The following BCR variants were observed in gnomAD, a reference collection of about 807,000 sequenced individuals.
BCR encodes the protein breakpoint cluster region protein.
BCR carries 58 observed loss-of-function variants against 138.6 expected under a neutral mutation model. The ratio of observed to expected loss-of-function variants is 0.42; its 90% CI spans 0.34 to 0.52. The LOEUF (loss-of-function observed/expected upper bound fraction) is 0.52. Ranked by LOEUF, BCR falls within the 20% of genes least tolerant of loss-of-function variation. The pLI is 0.06. For missense variants in BCR, 1,599 were observed against 1,727.2 expected, an observed-to-expected ratio of 0.93 and a Z score of 1.32; for synonymous variants, 786 against 730.1, an observed-to-expected ratio of 1.08 and a Z score of -1.23.
At chr22:23,230,955 G>A (rs1309111200) in intron 1 of BCR, among the ~76,000 whole-genome samples, 10 of 152,136 alleles carry the variant, frequency 6.6e-5, no homozygotes, top group Non-Finnish European at 1.5e-4. Flanking sequence ...ACAGTATCCC[G>A]AACCATCTAA....
Position 23,295,292 on chromosome 22 carries a change from C to T in BCR, c.3012+137C>T, listed in dbSNP as rs1052692153. ...GCAGCTGTGGCTCTGAAACATCCAT[C>T]GTGGGAGACCTGAGCCGGTGCCTGC... On this transcript the variant is annotated intron_variant, in intron 16 of 22. Coordinates refer to ENST00000305877, the MANE Select transcript of BCR (RefSeq NM_004327.4). 2.1e-5 allele frequency: 24 copies of T among 1,131,332 alleles called. No homozygotes were observed. In the East Asian group the frequency reaches 5.2e-4, roughly 24 times the overall value. The allele number at this position is 1,131,332 out of a possible 1,614,324, so 70.1% of individuals were successfully genotyped here. A position where few individuals can be genotyped will look rare whatever the true frequency, so the allele number is the denominator to read the frequency against.
chr22:23,182,297 C>T (rs1239908390), intron 1 of BCR, 58 bp downstream of exon 1: 19 of 1,456,522 alleles, frequency 1.3e-5, no homozygotes, highest in African/African-American at 2.8e-5. Flanking sequence ...AAACCATAGA[C>T]GAGTAGGGGA....
chr22:23,224,749 G>T (rs2072868298), intron 1 of BCR, among the ~76,000 whole-genome samples: 1 of 152,104 alleles, frequency 6.6e-6, no homozygotes, highest in Non-Finnish European at 1.5e-5. Context: ...AGGCATGGTG[G>T]CACACGCCTG....
At chr22:23,184,400 T>G (rs1018484086) in intron 1 of BCR, among the ~76,000 whole-genome samples, 9 of 152,190 alleles carry the variant, frequency 5.9e-5, no homozygotes, top group African/African-American at 2.2e-4. Flanking sequence ...CTCTTAGACG[T>G]TTTTAGTAAC....
At chr22:23,280,720 G>C (rs539327937) in intron 8 of BCR, among the ~76,000 whole-genome samples, 15 of 152,162 alleles carry the variant, frequency 9.9e-5, no homozygotes, top group South Asian at 6.2e-4. Context: ...TGCTTTCTGC[G>C]GGCTCCTGTG....
At chr22:23,299,807 T>A (rs1014283047) in intron 16 of BCR, among the ~76,000 whole-genome samples, 4 of 152,072 alleles carry the variant, frequency 2.6e-5, no homozygotes, top group Non-Finnish European at 5.9e-5. Context: ...ATGAAGGTGC[T>A]GAAGTTCCCA....
intron 1 of BCR, among the ~76,000 whole-genome samples, chr22:23,199,900 C>T (rs1262633164): frequency 1.3e-5 from 2 of 151,850 alleles, no homozygotes; most frequent in Non-Finnish European, 2.9e-5. Context: ...CTGGCTAACA[C>T]AGTGAAACCC....
intron 1 of BCR, chr22:23,199,231 C>T (rs1274731156): frequency 1.9e-6 from 1 of 513,082 alleles, no homozygotes; most frequent in Non-Finnish European, 3.9e-6. Flanking sequence ...GTGTGAGTGG[C>T]TCCAGAAGAC....
In BCR at chr22:23,273,663, C is replaced by A. The variant is rs1230118461; in HGVS notation, c.2004C>A (p.His668Gln). 1 of 1,613,940 alleles carries A rather than the reference C, an allele frequency of 6.2e-7. No homozygotes were observed. The highest frequency in any genetic ancestry group is 8.5e-7 in the Non-Finnish European group (1 of 1,180,048). Residue 668 changes from histidine (H) to glutamine (Q), a missense_variant, in exon 8 of 23, where the codon CAC (histidine) becomes CAA (glutamine). This residue lies in a region of BCR where 590 missense variants were observed against 762.4 expected (regional missense o/e 0.77). Transcript: ENST00000305877. ...HDLLKHTPASHPDHPLLQDAL... is the reference protein window; with the variant it reads ...HDLLKHTPASQPDHPLLQDAL... The stretch of plus-strand genomic sequence containing the variant: ...TGCTGAAGCACACTCCTGCCAGCCA[C>A]CCTGACCACCCCTTGCTGCAGGACG...
intron 7 of BCR, 93 bp from the exon 8 acceptor site, chr22:23,273,541 G>A (rs1036264573): frequency 4.0e-5 from 62 of 1,549,704 alleles, no homozygotes; most frequent in Middle Eastern, 1.7e-4. Context: ...CCGGCGCTCT[G>A]GGCTCCGTCC....
At chr22:23,201,703 C>A (rs917365486) in intron 1 of BCR, among the ~76,000 whole-genome samples, 1 of 152,196 alleles carries the variant, frequency 6.6e-6, no homozygotes, top group African/African-American at 2.4e-5. Flanking sequence ...GATCCGCCCT[C>A]CTCGGCCTCC....
intron 8 of BCR, among the ~76,000 whole-genome samples, chr22:23,281,767 G>A (rs540983254): frequency 1.3e-5 from 2 of 152,170 alleles, no homozygotes; most frequent in Non-Finnish European, 2.9e-5. Flanking sequence ...CCTGCAGCCC[G>A]CACCCCAGAG....
chr22:23,199,263 G>C (rs373677910), intron 1 of BCR: 3 of 518,742 alleles, frequency 5.8e-6, no homozygotes, highest in Admixed American at 1.9e-5. Context: ...CTGTGCAAGA[G>C]CCAGGAAGGC....
At chr22:23,287,734 G>A (rs1447713686) in intron 11 of BCR, among the ~76,000 whole-genome samples, 1 of 152,234 alleles carries the variant, frequency 6.6e-6, no homozygotes, top group African/African-American at 2.4e-5. Flanking sequence ...CTCTGCAGAA[G>A]CCTCACCTCT....
intron 15 of BCR, 96 bp downstream of exon 15, chr22:23,292,734 C>T: frequency 9.4e-7 from 1 of 1,063,724 alleles, no homozygotes; most frequent in Non-Finnish European, 1.4e-6. Flanking sequence ...TCCCTGAGGG[C>T]TTCCCCCGAA....
At chr22:23,312,698 AC>A in intron 19 of BCR, 188 bp from the exon 20 acceptor site, 1 of 586,662 alleles carries the variant, frequency 1.7e-6, no homozygotes, top group Non-Finnish European at 3.1e-6. Flanking sequence ...ATGCCCACGC[AC>A]CCCTATCAAC....
Position 23,290,294 on chromosome 22 carries a change from CT to C in BCR, c.2708-42del, listed in dbSNP as rs754343641. On this transcript the variant is annotated intron_variant, in intron 13 of 22. Coordinates refer to ENST00000305877, the MANE Select transcript of BCR (RefSeq NM_004327.4). ...CAGAGTTAGCTTGTCACCTGCCTCCCTTTCCCGGGACAACAGAAGCTGACCT... is the reference window on the plus strand; with the variant it reads ...CAGAGTTAGCTTGTCACCTGCCTCCCTTCCCGGGACAACAGAAGCTGACCT... 2.5e-6 allele frequency: 4 copies of C among 1,583,678 alleles called. No homozygotes were observed. The South Asian group carries it at 3.3e-5, about 13-fold the overall frequency.
intron 1 of BCR, among the ~76,000 whole-genome samples, chr22:23,218,849 G>A (rs1483347784): frequency 1.3e-5 from 2 of 152,354 alleles, no homozygotes; most frequent in East Asian, 3.9e-4. Flanking sequence ...GAGGGTGAGT[G>A]GCTGTCAGCA....
chr22:23,255,627 C>T (rs1420004324), intron 2 of BCR, among the ~76,000 whole-genome samples: 2 of 152,160 alleles, frequency 1.3e-5, no homozygotes, highest in East Asian at 1.9e-4. Context: ...TTCCTGGCCC[C>T]GAAAGGAAGC....
Sources: gnomAD v4.1 joint callset for allele counts (sites outside exome capture counted in the v4.1 genomes callset) on GRCh38, gnomAD v4.1.1 for gene constraint, gnomAD v4.1.1 regional missense constraint, MANE v1.5 for transcripts, NCBI Gene and HGNC (gene_info 2026-07-23, HGNC 2026-07-21) for gene names.